YPEL2: variants seen among roughly 807,000 people sequenced by gnomAD.
YPEL2 encodes the protein protein yippee-like 2.
YPEL2 carries 2 observed loss-of-function variants against 19.1 expected under a neutral mutation model. That is an observed-to-expected ratio of 0.10 (90% CI 0.04 to 0.33). YPEL2 has a LOEUF of 0.33. Among genes scored for constraint, YPEL2 ranks in the 10% least tolerant of loss-of-function variants. YPEL2 has a pLI of 1.00. For synonymous variants in YPEL2, 52 were observed against 50.0 expected, an observed-to-expected ratio of 1.04 and a Z score of -0.17; for missense variants, 66 against 140.7, an observed-to-expected ratio of 0.47 and a Z score of 2.68.
At position 59,389,340 on chromosome 17, in the gene YPEL2, C is replaced by A. The variant is rs1463990936; in HGVS notation, c.162-20C>A. 6.2e-7 allele frequency: 1 copy of A among 1,606,254 alleles called. No individual in the cohort carries two copies. The highest frequency in any genetic ancestry group is 1.1e-5 in the South Asian group (1 of 90,380). Reference sequence around the variant, plus strand: ...GCGTGTCACTAACTACCCACTCTCTCTTCTTGTGCCTCGACATAGAGTTAA... The same window carrying A: ...GCGTGTCACTAACTACCCACTCTCTATTCTTGTGCCTCGACATAGAGTTAA... On this transcript the variant is annotated intron_variant, in intron 3 of 4. Transcript: ENST00000312655.
At chr17:59,391,495 A>G (rs2048007266) in intron 4 of YPEL2, among the ~76,000 whole-genome samples, 1 of 152,090 alleles carries the variant, frequency 6.6e-6, no homozygotes, top group Non-Finnish European at 1.5e-5. Flanking sequence ...CCATTGAAAT[A>G]GTTTGAAAAT....
chr17:59,352,900 T>C (rs2047794495), intron 1 of YPEL2, among the ~76,000 whole-genome samples: 1 of 152,142 alleles, frequency 6.6e-6, no homozygotes, highest in Non-Finnish European at 1.5e-5. Flanking sequence ...TCCCTGGGGC[T>C]GTAGGTGGTA....
rs762899913 is a variant in YPEL2, at chr17:59,397,086, T to G, written c.271-15T>G. 22 of 1,595,000 alleles carry G rather than the reference T, an allele frequency of 1.4e-5. No individual in the cohort carries two copies. Among genetic ancestry groups the G allele is most frequent in the Non-Finnish European group, 1.8e-5 (21 of 1,170,482 alleles). ...TGGTCGTTCAGTATCTCTTCTCTGC[T>G]TCTGTATTTCCTAGGAACATGCTTT... is the stretch of plus-strand genomic sequence containing the variant. On this transcript the variant is annotated splice_polypyrimidine_tract_variant and intron_variant, in intron 4 of 4. Transcript: ENST00000312655.
chr17:59,397,433 GAAAAC>G lies in YPEL2; in HGVS notation c.*251_*255del. 1 of 341,574 alleles carries G rather than the reference GAAAAC, an allele frequency of 2.9e-6. No individual in the cohort carries two copies. Among genetic ancestry groups the G allele is most frequent in the Non-Finnish European group, 5.3e-6 (1 of 188,980 alleles). 21.2% of individuals were successfully genotyped at this position (341,574 alleles called of 1,614,324 possible). Reference sequence around the variant, plus strand: ...TTCTCTCTCTGTTCTAGTTTTGGCTGAAAACAAAACAACAAAAGGAACAGATCCTT... The same window carrying G: ...TTCTCTCTCTGTTCTAGTTTTGGCTGAAAACAACAAAAGGAACAGATCCTT... On this transcript the variant is annotated 3_prime_UTR_variant, in exon 5 of 5. Coordinates refer to ENST00000312655, the MANE Select transcript of YPEL2 (RefSeq NM_001005404.4).
rs112448594 is a variant in YPEL2, at chr17:59,388,972, CAT to C, written c.162-387_162-386del. 2.4e-4 allele frequency: 65 copies of C among 274,458 alleles called. 2 individuals carry two copies. In the East Asian group the frequency reaches 4.5e-3, roughly 19 times the overall value. 17.0% of individuals were successfully genotyped at this position (274,458 alleles called of 1,614,324 possible). A position where few individuals can be genotyped will look rare whatever the true frequency, so the allele number is the denominator to read the frequency against. On this transcript the variant is annotated intron_variant, in intron 3 of 4. Coordinates refer to ENST00000312655, the MANE Select transcript of YPEL2 (RefSeq NM_001005404.4). ...CTGTATCAGGACCACACTGTGCTAT[CAT>C]GTGTGGCATCTTCAGCTTCATTCAG...
intron 2 of YPEL2, chr17:59,363,298 C>G (rs540826598): frequency 7.2e-5 from 11 of 153,658 alleles, no homozygotes; most frequent in Non-Finnish European, 1.4e-4. Flanking sequence ...AAAGACTTAC[C>G]CTTTTTTTTT....
At position 59,389,449 on chromosome 17, in the gene YPEL2, C is replaced by A; in HGVS notation, c.251C>A (p.Thr84Asn). Residue 84 changes from threonine (T) to asparagine (N), a missense_variant, in exon 4 of 5, where the codon ACC becomes AAC. Physicochemically the swap from Thr to Asn is moderately conservative, Grantham distance 65. Transcript: ENST00000312655. ...GACATTTACTGTGAAAACTGCAAAA[C>A]CACTCTGGGCTGGAAATACGTAAGT... ...VADIYCENCK[T>N]TLGWKYEHAF... is the part of the protein sequence containing the mutation. 1 of 1,613,716 alleles carries A rather than the reference C, an allele frequency of 6.2e-7. No individual in the cohort carries two copies. The highest frequency in any genetic ancestry group is 8.5e-7 in the Non-Finnish European group (1 of 1,179,954).
At chr17:59,397,020 G>A in intron 4 of YPEL2, 81 bp from the exon 5 acceptor site, 2 of 1,063,926 alleles carry the variant, frequency 1.9e-6, no homozygotes, top group Non-Finnish European at 2.7e-6. Flanking sequence ...GACAGAGTGA[G>A]ACTGCCTCAA....
At chr17:59,336,710 T>C (rs1412700792) in intron 1 of YPEL2, among the ~76,000 whole-genome samples, 1 of 152,188 alleles carries the variant, frequency 6.6e-6, no homozygotes, top group African/African-American at 2.4e-5. Flanking sequence ...TTCCCCTCTC[T>C]CTGGCTCAGA....
intron 2 of YPEL2, among the ~76,000 whole-genome samples, chr17:59,370,275 G>T (rs1476371358): frequency 3.9e-5 from 6 of 152,186 alleles, no homozygotes; most frequent in Non-Finnish European, 8.8e-5. Context: ...GTGTTAGCCA[G>T]GATGGTCTTG....
intron 2 of YPEL2, among the ~76,000 whole-genome samples, chr17:59,373,053 G>C (rs1047546735): frequency 6.6e-6 from 1 of 152,236 alleles, no homozygotes; most frequent in Non-Finnish European, 1.5e-5. Context: ...TGTATTTTTA[G>C]TAGAGACAGG....
intron 4 of YPEL2, among the ~76,000 whole-genome samples, chr17:59,393,215 C>T (rs1356535954): frequency 1.3e-5 from 2 of 152,040 alleles, no homozygotes; most frequent in Non-Finnish European, 1.5e-5. Flanking sequence ...GCAGCCTCAA[C>T]CTCCTGGACC....
chr17:59,332,186 G>C (rs2047674203), intron 1 of YPEL2, among the ~76,000 whole-genome samples: 1 of 152,034 alleles, frequency 6.6e-6, no homozygotes, highest in African/African-American at 2.4e-5. Flanking sequence ...CCTCCTCCGC[G>C]TCGTCCCCAT....
chr17:59,388,089 A>G (rs1474850566), intron 2 of YPEL2, among the ~76,000 whole-genome samples: 1 of 152,102 alleles, frequency 6.6e-6, no homozygotes, highest in East Asian at 1.9e-4. Context: ...GGTTTTTTTC[A>G]TTTTCTCACC....
intron 2 of YPEL2, among the ~76,000 whole-genome samples, chr17:59,375,046 G>A (rs951084139): frequency 1.3e-5 from 2 of 152,136 alleles, no homozygotes; most frequent in Non-Finnish European, 2.9e-5. Context: ...CTCACATAAG[G>A]AATTTTGGCA....
In YPEL2 at chr17:59,353,532, C is replaced by G. The variant is rs1426824929; in HGVS notation, c.117+6C>G. 6.2e-7 allele frequency: 1 copy of G among 1,610,608 alleles called. No homozygotes were observed. Among genetic ancestry groups the G allele is most frequent in the Non-Finnish European group, 8.5e-7 (1 of 1,176,770 alleles). On this transcript the variant is annotated splice_donor_region_variant and intron_variant, in intron 2 of 4. Coordinates refer to ENST00000312655, the MANE Select transcript of YPEL2 (RefSeq NM_001005404.4). This position sits in a 1 kb window ranked among gnomAD's most constrained non-coding sequence, Gnocchi z 4.8. ...ATGATGAACTAATTTCCAAGGTACA[C>G]ATTTCCAGCAGGCCTTCCTTGCCTA...
rs1012633303 is a variant in YPEL2 at position 59,398,322 on chromosome 17, G to A, written c.*1132G>A. On this transcript the variant is annotated 3_prime_UTR_variant, in exon 5 of 5. Transcript: ENST00000312655. Reference sequence around the variant, plus strand: ...GTCAATTTCTTGTTCTTAGAGTTTCGGGTGTTTTTCTCCAGTCTTGTTACT... The same window carrying A: ...GTCAATTTCTTGTTCTTAGAGTTTCAGGTGTTTTTCTCCAGTCTTGTTACT... 6 of 151,956 alleles carry A rather than the reference G, an allele frequency of 3.9e-5. No individual in the cohort carries two copies. The highest frequency in any genetic ancestry group is 1.2e-4 in the African/African-American group (5 of 41,352). The allele number at this position is 151,956 out of a possible 1,614,324, so 9.4% of individuals were successfully genotyped here.
chr17:59,384,175 A>T (rs188549089), intron 2 of YPEL2, among the ~76,000 whole-genome samples: 1 of 152,218 alleles, frequency 6.6e-6, no homozygotes, highest in South Asian at 2.1e-4. Context: ...GATGAAGTTC[A>T]GTTTATCAGT....
Position 59,340,914 on chromosome 17 carries a change from C to T in YPEL2, c.-196+9090C>T, listed in dbSNP as rs1234084386. On this transcript the variant is annotated intron_variant, in intron 1 of 4. Transcript: ENST00000312655. ...ATTTTTAGTAGAGACGGGGTTTCGC[C>T]ATGTTGGCCAGGCTGGTCTGGAACA... is the stretch of plus-strand genomic sequence containing the variant. Among the ~76,000 whole-genome samples, 5 of 147,562 alleles carry T rather than the reference C, an allele frequency of 3.4e-5. No homozygotes were observed. The East Asian group carries it at 6.4e-4, about 19-fold the overall frequency.
Sources: gnomAD v4.1 joint callset for allele counts (sites outside exome capture counted in the v4.1 genomes callset) on GRCh38, gnomAD v4.1.1 for gene constraint, Gnocchi (gnomAD v3.1) non-coding constraint, MANE v1.5 for transcripts, NCBI Gene and HGNC (gene_info 2026-07-23, HGNC 2026-07-21) for gene names.